EMCN: variants seen among roughly 807,000 people sequenced by gnomAD.
EMCN encodes endomucin, also known as MUC-14.
In EMCN, 37 loss-of-function variants were observed where a neutral mutation model predicts 38.4. That is an observed-to-expected ratio of 0.96 (90% CI 0.74 to 1.27). EMCN has a LOEUF of 1.27. EMCN is among the 50% of genes most tolerant of loss of function. EMCN has a pLI of 0.00. For missense variants in EMCN, 318 were observed against 302.8 expected, an observed-to-expected ratio of 1.05 and a Z score of -0.37; for synonymous variants, 95 against 100.8, an observed-to-expected ratio of 0.94 and a Z score of 0.35.
At chr4:100,486,530 T>A (rs1033218525) in intron 1 of EMCN, among the ~76,000 whole-genome samples, 2 of 152,252 alleles carry the variant, frequency 1.3e-5, no homozygotes, top group African/African-American at 4.8e-5. Context: ...AAATTTCCTA[T>A]ATGAAATGAC....
chr4:100,451,717 G>C (rs1193580725), intron 4 of EMCN, among the ~76,000 whole-genome samples: 1 of 151,856 alleles, frequency 6.6e-6, no homozygotes, highest in Non-Finnish European at 1.5e-5. Context: ...ATTTAATCTT[G>C]GCCAAGTCAT....
intron 5 of EMCN, among the ~76,000 whole-genome samples, chr4:100,444,430 C>T (rs34840182): frequency 1.3e-5 from 2 of 152,046 alleles, no homozygotes; most frequent in Admixed American, 6.5e-5. Flanking sequence ...GTTTACTGCT[C>T]TAGTGTAAGT....
chr4:100,407,397 T>C (rs1486505864), intron 11 of EMCN, among the ~76,000 whole-genome samples: 2 of 152,212 alleles, frequency 1.3e-5, no homozygotes, highest in Non-Finnish European at 2.9e-5. Flanking sequence ...CCTATGAACC[T>C]CTTGAAAAGC....
chr4:100,433,523 A>G (rs1727259891), intron 5 of EMCN, among the ~76,000 whole-genome samples: 1 of 151,482 alleles, frequency 6.6e-6, no homozygotes, highest in African/African-American at 2.4e-5. Flanking sequence ...CAAAATCTCC[A>G]TACTATTTTA....
chr4:100,486,058 A>G (rs561294994), intron 1 of EMCN, among the ~76,000 whole-genome samples: 1 of 152,306 alleles, frequency 6.6e-6, no homozygotes, highest in South Asian at 2.1e-4. Context: ...CTTAAGCTAT[A>G]AATACATGTG....
intron 4 of EMCN, among the ~76,000 whole-genome samples, chr4:100,451,278 A>G (rs1334966882): frequency 6.6e-6 from 1 of 151,926 alleles, no homozygotes; most frequent in African/African-American, 2.4e-5. Context: ...CACAGATGAT[A>G]TACATCTCTA....
At chr4:100,475,650 A>G (rs1426271655) in intron 2 of EMCN, among the ~76,000 whole-genome samples, 2 of 133,550 alleles carry the variant, frequency 1.5e-5, no homozygotes, top group South Asian at 2.4e-4. Flanking sequence ...GCAGTATCCA[A>G]TTCTAGTCCT....
chr4:100,452,557 A>T (rs1291696858), intron 4 of EMCN, among the ~76,000 whole-genome samples: 2 of 152,106 alleles, frequency 1.3e-5, no homozygotes, highest in Non-Finnish European at 2.9e-5. Flanking sequence ...ACAATTCAGT[A>T]AAGGGAAAAA....
intron 1 of EMCN, among the ~76,000 whole-genome samples, chr4:100,511,379 G>T (rs1487138339): frequency 6.6e-5 from 10 of 152,094 alleles, no homozygotes; most frequent in Admixed American, 6.6e-4. Context: ...GGTTAACTTG[G>T]ACCGTTCCCA....
At chr4:100,421,484 A>G (rs1560607931) in intron 7 of EMCN, 107 bp from the exon 8 acceptor site, 1 of 820,286 alleles carries the variant, frequency 1.2e-6, no homozygotes, top group South Asian at 1.6e-5. Flanking sequence ...TTTAAATATC[A>G]TTCTATTAAA....
chr4:100,458,808 T>C (rs1048264786), intron 4 of EMCN, among the ~76,000 whole-genome samples: 3 of 152,196 alleles, frequency 2.0e-5, no homozygotes, highest in African/African-American at 7.2e-5. Flanking sequence ...TCCTCAAAAC[T>C]TATTCAGTAC....
intron 1 of EMCN, among the ~76,000 whole-genome samples, chr4:100,488,416 A>G (rs1323345806): frequency 6.6e-6 from 1 of 152,198 alleles, no homozygotes. Flanking sequence ...CCTGGATTAA[A>G]TGTATTTCCC....
chr4:100,454,929 T>C (rs950590071), intron 4 of EMCN, among the ~76,000 whole-genome samples: 2 of 152,172 alleles, frequency 1.3e-5, no homozygotes, highest in Non-Finnish European at 2.9e-5. Flanking sequence ...AATAAATTTA[T>C]ACTTAAAGTA....
At chr4:100,418,607 G>T (rs535187116) in intron 8 of EMCN, among the ~76,000 whole-genome samples, 27 of 151,206 alleles carry the variant, frequency 1.8e-4, no homozygotes, top group African/African-American at 6.3e-4. Context: ...CAATTGTTTT[G>T]ATTTTTTAGC....
chr4:100,448,079 T>G (rs1451450040), intron 4 of EMCN, among the ~76,000 whole-genome samples: 1 of 151,960 alleles, frequency 6.6e-6, no homozygotes, highest in Non-Finnish European at 1.5e-5. Flanking sequence ...GTAATCCTAC[T>G]AAGACTTGGT....
chr4:100,417,238 T>C, intron 8 of EMCN, 97 bp from the exon 9 acceptor site: 2 of 1,027,900 alleles, frequency 1.9e-6, no homozygotes. Flanking sequence ...GTCCACTCTT[T>C]TCTATGCAGA....
intron 1 of EMCN, among the ~76,000 whole-genome samples, chr4:100,506,225 A>G (rs1416582879): frequency 6.6e-6 from 1 of 152,198 alleles, no homozygotes; most frequent in Admixed American, 6.5e-5. Context: ...AAGATTTGGC[A>G]CCTAGAATGT....
intron 4 of EMCN, among the ~76,000 whole-genome samples, chr4:100,460,843 G>T (rs902384299): frequency 1.1e-4 from 16 of 152,094 alleles, no homozygotes; most frequent in African/African-American, 3.6e-4. Context: ...CTTTGCTTTT[G>T]ATGTTATATC....
intron 11 of EMCN, among the ~76,000 whole-genome samples, chr4:100,405,501 G>A (rs960392334): frequency 8.5e-5 from 13 of 152,066 alleles, no homozygotes; most frequent in African/African-American, 2.9e-4. Context: ...TTTGAGTTCT[G>A]TTTATGTAAT....
Sources: gnomAD v4.1 joint callset for allele counts (sites outside exome capture counted in the v4.1 genomes callset) on GRCh38, gnomAD v4.1.1 for gene constraint, MANE v1.5 for transcripts, NCBI Gene and HGNC (gene_info 2026-07-23, HGNC 2026-07-21) for gene names.